The following PLOD2 variants were observed in gnomAD, a reference collection of about 807,000 sequenced individuals.
PLOD2 encodes procollagen-lysine,2-oxoglutarate 5-dioxygenase 2.
In PLOD2, 65 loss-of-function variants were observed where a neutral mutation model predicts 101.0. The ratio of observed to expected loss-of-function variants is 0.64; its 90% confidence interval spans 0.53 to 0.79. The LOEUF (loss-of-function observed/expected upper bound fraction) is 0.79. Among genes scored for constraint, PLOD2 ranks in the 30% least tolerant of loss-of-function variants. The pLI is 0.00. For synonymous variants in PLOD2, 314 were observed against 302.9 expected, an observed-to-expected ratio of 1.04 and a Z score of -0.38; for missense variants, 909 against 914.6, an observed-to-expected ratio of 0.99 and a Z score of 0.08.
intron 12 of PLOD2, among the ~76,000 whole-genome samples, chr3:146,080,813 C>T (rs1936514268): frequency 1.3e-5 from 2 of 152,152 alleles, no homozygotes; most frequent in Admixed American, 1.3e-4. Flanking sequence ...AGTCTTTTCT[C>T]CTCCACTGTG....
chr3:146,129,929 A>G (rs2030806944), intron 1 of PLOD2, among the ~76,000 whole-genome samples: 1 of 152,056 alleles, frequency 6.6e-6, no homozygotes, highest in African/African-American at 2.4e-5. Flanking sequence ...AACTTTGTAC[A>G]CTCTAAACCT....
intron 16 of PLOD2, 102 bp downstream of exon 16, chr3:146,073,181 AAGGT>A (rs1256559014): frequency 1.8e-6 from 1 of 550,934 alleles, no homozygotes; most frequent in Non-Finnish European, 3.3e-6. Context: ...TTTTACCTAA[AAGGT>A]AGTTTCTCCA....
At chr3:146,135,674 G>C (rs2031189305) in intron 1 of PLOD2, among the ~76,000 whole-genome samples, 2 of 152,082 alleles carry the variant, frequency 1.3e-5, no homozygotes, top group South Asian at 2.1e-4. Flanking sequence ...AACTGGTTCT[G>C]ATGTATGCTT....
chr3:146,139,582 T>C (rs1378880857), intron 1 of PLOD2, among the ~76,000 whole-genome samples: 1 of 152,128 alleles, frequency 6.6e-6, no homozygotes, highest in Non-Finnish European at 1.5e-5. Flanking sequence ...AAGATAATAA[T>C]GCAGCTCATC....
At chr3:146,094,673 T>A (rs1226860693) in intron 7 of PLOD2, among the ~76,000 whole-genome samples, 1 of 152,100 alleles carries the variant, frequency 6.6e-6, no homozygotes, top group East Asian at 1.9e-4. Flanking sequence ...TCAATGTTAT[T>A]CCCATCAAGC....
intron 12 of PLOD2, among the ~76,000 whole-genome samples, chr3:146,080,225 ATACAC>A (rs780799357): frequency 4.2e-5 from 6 of 142,834 alleles, no homozygotes. Flanking sequence ...AACGCTACAC[ATACAC>A]TACGTTTTTT....
chr3:146,105,106 A>T (rs1937514595), intron 5 of PLOD2: 3 of 152,232 alleles, frequency 2.0e-5, no homozygotes, highest in Admixed American at 2.0e-4. Context: ...CCCTCTTGAC[A>T]GCATAAAGCC....
In PLOD2 at chr3:146,095,209, T is replaced by C. The variant is rs548225081; in HGVS notation, c.778-3308A>G. 5.3e-5 allele frequency among the ~76,000 whole-genome samples: 8 copies of C among 152,116 alleles called. 2 individuals are homozygous for C. The South Asian group carries it at 1.5e-3, about 28-fold the overall frequency. On this transcript the variant is annotated intron_variant, in intron 7 of 19. Coordinates refer to ENST00000282903, the MANE Select transcript of PLOD2 (RefSeq NM_182943.3). ...GAAACAATTGCAACAAAAGCCAAAA[T>C]TGGCAAATGGGATCTAATTAAACTA...
intron 7 of PLOD2, among the ~76,000 whole-genome samples, chr3:146,093,062 A>G (rs901217040): frequency 2.0e-5 from 3 of 151,854 alleles, no homozygotes; most frequent in African/African-American, 7.3e-5. Flanking sequence ...AATGTACCAA[A>G]GTGTCAACTA....
intron 19 of PLOD2, 53 bp downstream of exon 19, chr3:146,070,989 T>G: frequency 1.3e-6 from 2 of 1,549,722 alleles, no homozygotes; most frequent in Non-Finnish European, 1.8e-6. Flanking sequence ...AAAGTCCTTT[T>G]CATAATGATA....
chr3:146,148,519 T>C (rs772417990), intron 1 of PLOD2, among the ~76,000 whole-genome samples: 14 of 152,220 alleles, frequency 9.2e-5, no homozygotes, highest in Non-Finnish European at 1.8e-4. Context: ...AGTCTCCTTG[T>C]ATAGTGAGCG....
At chr3:146,107,059 A>G (rs149286929) in intron 4 of PLOD2, among the ~76,000 whole-genome samples, 4 of 152,328 alleles carry the variant, frequency 2.6e-5, no homozygotes, top group African/African-American at 9.6e-5. Context: ...CTTACAGAAT[A>G]AAATCTCTAC....
intron 5 of PLOD2, 109 bp from the exon 6 acceptor site, chr3:146,104,451 T>A: frequency 1.5e-6 from 1 of 682,452 alleles, no homozygotes; most frequent in East Asian, 2.7e-5. Flanking sequence ...TTAATATTCT[T>A]ATATCTTAAG....
At chr3:146,154,579 A>AG (rs2032215988) in intron 1 of PLOD2, among the ~76,000 whole-genome samples, 1 of 152,218 alleles carries the variant, frequency 6.6e-6, no homozygotes, top group Non-Finnish European at 1.5e-5. Flanking sequence ...TTACAAACCT[A>AG]TACAAACTAA....
Position 146,082,989 on chromosome 3 carries a change from A to G in PLOD2, c.1233-1126T>C, listed in dbSNP as rs142950647. ...TCCTACTAAACTATTAATCAGAAAC[A>G]CATGTTTTGTTTTGTTTTGAATACC... On this transcript the variant is annotated intron_variant, in intron 11 of 19. Transcript: ENST00000282903. 1.4e-3 allele frequency among the ~76,000 whole-genome samples: 215 copies of G among 152,288 alleles called. 4 individuals are homozygous for G. In the East Asian group the frequency reaches 0.031, roughly 22 times the overall value.
At chr3:146,149,143 A>T (rs946219014) in intron 1 of PLOD2, among the ~76,000 whole-genome samples, 1 of 152,164 alleles carries the variant, frequency 6.6e-6, no homozygotes, top group Non-Finnish European at 1.5e-5. Context: ...CATATTTTGT[A>T]ATTTTGTACC....
chr3:146,073,714 T>C (rs1936232599), intron 15 of PLOD2: 1 of 152,614 alleles, frequency 6.6e-6, no homozygotes, highest in Admixed American at 6.6e-5. Flanking sequence ...AAATCCAACA[T>C]AAAGCTGAAA....
intron 1 of PLOD2, among the ~76,000 whole-genome samples, chr3:146,146,169 T>A (rs1352436574): frequency 6.6e-6 from 1 of 152,182 alleles, no homozygotes; most frequent in Non-Finnish European, 1.5e-5. Context: ...GTATTTCATG[T>A]AATGCTAAGC....
Position 146,086,037 on chromosome 3 carries a change from A to C in PLOD2, c.1127+750T>G, listed in dbSNP as rs995485514. On this transcript the variant is annotated intron_variant, in intron 10 of 19. Coordinates refer to ENST00000282903, the MANE Select transcript of PLOD2 (RefSeq NM_182943.3). ...GACCCAGAGGATTCTCCAATGAATA[A>C]ATTATGGAATCATTAGTAATAACAT... 9 of 152,206 alleles carry C rather than the reference A, an allele frequency of 5.9e-5. 1 individual carries two copies. Among genetic ancestry groups the C allele is most frequent in the Admixed American group, 5.2e-4 (8 of 15,264 alleles). The allele number at this position is 152,206 out of a possible 1,614,324, so 9.4% of individuals were successfully genotyped here.
Sources: allele counts gnomAD v4.1 joint callset (sites outside exome capture counted in the v4.1 genomes callset), GRCh38; gene constraint gnomAD v4.1.1; transcripts MANE v1.5; gene names NCBI Gene and HGNC (gene_info 2026-07-23, HGNC 2026-07-21).